Variants in PACRG observed in about 807,000 individuals in gnomAD.
The protein encoded by PACRG is parkin coregulated gene protein.
In PACRG, 29 loss-of-function variants were observed where a neutral mutation model predicts 29.7. The ratio of observed to expected loss-of-function variants is 0.98; its 90% CI spans 0.73 to 1.33. PACRG has a LOEUF of 1.33. PACRG is among the 40% of genes most tolerant of loss of function. The pLI is 0.00. For missense variants in PACRG, 279 were observed against 316.2 expected (o/e 0.88, Z 0.89); for synonymous variants, 116 against 118.7 (o/e 0.98, Z 0.15).
chr6:162,988,670 G>C (rs1315264185), intron 2 of PACRG, among the ~76,000 whole-genome samples: 1 of 152,094 alleles, frequency 6.6e-6, no homozygotes, highest in Non-Finnish European at 1.5e-5. Flanking sequence ...GGAAACAACT[G>C]AATCTATTGA....
chr6:162,978,901 A>G (rs1802177445), intron 2 of PACRG, among the ~76,000 whole-genome samples: 1 of 152,172 alleles, frequency 6.6e-6, no homozygotes, highest in African/African-American at 2.4e-5. Flanking sequence ...TCCTTAGAAG[A>G]ATTGGATGAA....
At chr6:162,857,301 C>T (rs367950450) in intron 2 of PACRG, among the ~76,000 whole-genome samples, 2 of 152,274 alleles carry the variant, frequency 1.3e-5, no homozygotes, top group Admixed American at 6.5e-5. Context: ...TGGGCCCTCC[C>T]GTGTCACTTA....
At chr6:163,168,665 T>C (rs1425215600) in intron 4 of PACRG, among the ~76,000 whole-genome samples, 1 of 152,230 alleles carries the variant, frequency 6.6e-6, no homozygotes, top group East Asian at 1.9e-4. Context: ...TGTCTGAGAC[T>C]GAGTGTGGGT....
chr6:162,874,151 A>AAT (rs1554296145), intron 2 of PACRG, among the ~76,000 whole-genome samples: 175 of 136,284 alleles, frequency 1.3e-3, no homozygotes, highest in South Asian at 2.1e-3. Flanking sequence ...AAAAAAAAAA[A>AAT]ATATATATAT....
intron 4 of PACRG, among the ~76,000 whole-genome samples, chr6:163,097,364 A>C (rs964042726): frequency 7.9e-5 from 12 of 152,150 alleles, no homozygotes; most frequent in Non-Finnish European, 1.5e-4. Flanking sequence ...GCACATCCCC[A>C]TTGTTTCTGG....
At position 163,314,961 on chromosome 6, in the gene PACRG, AC is replaced by A. The variant is rs772199279; in HGVS notation, c.750del (p.Tyr251ThrfsTer6). The A allele has an allele frequency of 2.5e-6, 4 of 1,613,976 alleles. No individual in the cohort carries two copies. In the South Asian group the frequency reaches 4.4e-5, roughly 18 times the overall value. On this transcript the variant is annotated frameshift_variant, in exon 5 of 5. Transcript: ENST00000366888. LOFTEE classifies it high-confidence loss of function. ...TATCAACATTAAGTACGTGGTCCCA[AC>A]CTACGAGTCTTGCTTGCTAAACTAA... Reference protein sequence around the residue: ...AFINIKYVVPTYESCLLN With the variant: ...AFINIKYVVPXYESCLLN
At chr6:162,878,361 C>T (rs1197726150) in intron 2 of PACRG, among the ~76,000 whole-genome samples, 1 of 152,082 alleles carries the variant, frequency 6.6e-6, no homozygotes, top group South Asian at 2.1e-4. Context: ...TAAAAAAACA[C>T]ACCAATGTAG....
chr6:163,244,735 C>A (rs1332279047), intron 4 of PACRG, among the ~76,000 whole-genome samples: 2 of 152,168 alleles, frequency 1.3e-5, no homozygotes, highest in Non-Finnish European at 2.9e-5. Flanking sequence ...TAAACTAATT[C>A]TTCATTTTCA....
chr6:163,295,487 G>A (rs949436882), intron 4 of PACRG, among the ~76,000 whole-genome samples: 2 of 152,166 alleles, frequency 1.3e-5, no homozygotes, highest in Non-Finnish European at 2.9e-5. Context: ...TTGCTTATCC[G>A]TACAGTGGGT....
rs550062192 is a variant in PACRG at position 162,914,907 on chromosome 6, A to C, written c.291+100626A>C. On this transcript the variant is annotated intron_variant, in intron 2 of 4. Transcript: ENST00000366888. ...GTAAAAATCTTGCATCTTGCAGATT[A>C]TATATTATTTCTAGTTGTAATTCTA... is the stretch of plus-strand genomic sequence containing the variant. Among the ~76,000 whole-genome samples the C allele has an allele frequency of 2.6e-5, 4 of 152,172 alleles. 1 individual carries two copies. In the South Asian group the frequency reaches 8.3e-4, roughly 31 times the overall value.
intron 1 of PACRG, among the ~76,000 whole-genome samples, chr6:162,734,771 A>C (rs1185101745): frequency 6.6e-6 from 1 of 152,212 alleles, no homozygotes; most frequent in Non-Finnish European, 1.5e-5. Context: ...TTCTTACAAC[A>C]GTTCTCTCAC....
At chr6:162,999,365 A>G (rs1424395233) in intron 2 of PACRG, among the ~76,000 whole-genome samples, 1 of 152,194 alleles carries the variant, frequency 6.6e-6, no homozygotes, top group Non-Finnish European at 1.5e-5. Flanking sequence ...CTAATTCAGC[A>G]GACATTTTTC....
At chr6:162,964,560 T>C (rs759922324) in intron 2 of PACRG, among the ~76,000 whole-genome samples, 4 of 152,186 alleles carry the variant, frequency 2.6e-5, no homozygotes, top group Admixed American at 6.5e-5. Context: ...GATCAACAGA[T>C]GTTCTGGACA....
intron 4 of PACRG, among the ~76,000 whole-genome samples, chr6:163,296,360 A>G (rs769803604): frequency 2.0e-5 from 3 of 152,134 alleles, no homozygotes; most frequent in Non-Finnish European, 4.4e-5. Flanking sequence ...CAGTAGCACA[A>G]TCTCGGCTCA....
rs1406666821 is a variant in PACRG at position 162,747,421 on chromosome 6, TA to T, written c.156+19033del. On this transcript the variant is annotated intron_variant, in intron 1 of 4. Transcript: ENST00000366888. ...ATATATGTATATATATATATAACTATAAATATATATGTAAAACTATATATAT... is the reference window on the plus strand; with the variant it reads ...ATATATGTATATATATATATAACTATAATATATATGTAAAACTATATATAT... Among the ~76,000 whole-genome samples the T allele has an allele frequency of 1.1e-4, 12 of 109,284 alleles. 3 individuals carry two copies. The highest frequency in any genetic ancestry group is 1.8e-4 in the Non-Finnish European group (10 of 56,538). 71.7% of individuals were successfully genotyped at this position (109,284 alleles called of 152,430 possible).
At chr6:163,198,106 T>C (rs187303523) in intron 4 of PACRG, among the ~76,000 whole-genome samples, 3 of 152,322 alleles carry the variant, frequency 2.0e-5, no homozygotes, top group Admixed American at 6.5e-5. Context: ...AAACTTTGAT[T>C]CACTCACATA....
chr6:162,934,194 C>T (rs535682968), intron 2 of PACRG, among the ~76,000 whole-genome samples: 70 of 151,522 alleles, frequency 4.6e-4, no homozygotes, highest in Non-Finnish European at 6.0e-4. Flanking sequence ...AGCTGGGAGG[C>T]GGAGGTTGCA....
chr6:162,862,877 C>A (rs973574240), intron 2 of PACRG, among the ~76,000 whole-genome samples: 6 of 152,146 alleles, frequency 3.9e-5, no homozygotes, highest in African/African-American at 1.4e-4. Context: ...GCAGGCGCTG[C>A]TGAGGCCTCT....
chr6:163,076,062 G>A (rs1381433296), intron 3 of PACRG, among the ~76,000 whole-genome samples: 1 of 152,114 alleles, frequency 6.6e-6, no homozygotes, highest in Non-Finnish European at 1.5e-5. Context: ...CCTTAACAGG[G>A]CCACAACGTG....
Sources: allele counts gnomAD v4.1 joint callset (sites outside exome capture counted in the v4.1 genomes callset), GRCh38; gene constraint gnomAD v4.1.1; transcripts MANE v1.5; gene names NCBI Gene and HGNC (gene_info 2026-07-23, HGNC 2026-07-21).